The following RBFOX3 variants were observed in gnomAD, a reference collection of about 807,000 sequenced individuals.
RBFOX3 encodes the protein RNA binding fox-1 homolog 3.
RBFOX3 carries 17 observed loss-of-function variants against 48.7 expected under a neutral mutation model. The observed-to-expected ratio is 0.35, with a 90% confidence interval of 0.24 to 0.52. The LOEUF is 0.52. Ranked by LOEUF, RBFOX3 falls within the 20% of genes least tolerant of loss-of-function variation. RBFOX3 has a pLI of 0.94. For missense variants in RBFOX3, 382 were observed against 497.5 expected, an observed-to-expected ratio of 0.77 and a Z score of 2.21; for synonymous variants, 212 against 209.5, an observed-to-expected ratio of 1.01 and a Z score of -0.10.
At chr17:79,202,277 CAG>C (rs527946478) in intron 4 of RBFOX3, among the ~76,000 whole-genome samples, 54 of 152,202 alleles carry the variant, frequency 3.5e-4, no homozygotes, top group African/African-American at 1.2e-3. Flanking sequence ...AGCCTGGAAA[CAG>C]AGTGGGATTG....
chr17:79,461,856 C>A (rs1162754360), intron 2 of RBFOX3, among the ~76,000 whole-genome samples: 1 of 151,880 alleles, frequency 6.6e-6, no homozygotes, highest in Non-Finnish European at 1.5e-5. Flanking sequence ...GGGATGCAGA[C>A]ACAGGCTGAG....
chr17:79,209,461 AG>A lies in RBFOX3; in HGVS notation c.-34+26304del, dbSNP rs373216565. ...AACCAAACGGAACTCCCACTTCCAA[AG>A]CACCATGGAACAAAATGTGGCCGGC... is the stretch of plus-strand genomic sequence containing the variant. On this transcript the variant is annotated intron_variant, in intron 4 of 14. Coordinates refer to ENST00000693108, the MANE Select transcript of RBFOX3 (RefSeq NM_001350451.2). Among the ~76,000 whole-genome samples the A allele has an allele frequency of 3.9e-5, 6 of 152,338 alleles. No individual in the cohort carries two copies. In the South Asian group the frequency reaches 1.2e-3, roughly 32 times the overall value.
chr17:79,472,592 A>G (rs1040274383), intron 2 of RBFOX3, among the ~76,000 whole-genome samples: 1 of 152,196 alleles, frequency 6.6e-6, no homozygotes, highest in Non-Finnish European at 1.5e-5. Context: ...AAGGAAACCA[A>G]TGCTGCCAAC....
intron 4 of RBFOX3, among the ~76,000 whole-genome samples, chr17:79,132,006 A>T (rs2039029365): frequency 6.6e-6 from 1 of 152,150 alleles, no homozygotes; most frequent in Non-Finnish European, 1.5e-5. Flanking sequence ...CTCTTCTCCC[A>T]CCAGCTTCAC....
intron 2 of RBFOX3, among the ~76,000 whole-genome samples, chr17:79,433,017 C>T (rs1333971569): frequency 6.6e-6 from 1 of 152,212 alleles, no homozygotes; most frequent in East Asian, 1.9e-4. Context: ...TTTTCTCTCC[C>T]TCTCCCAGCA....
rs2078737372 is a variant in RBFOX3 at position 79,322,808 on chromosome 17, G to A, written c.-174-14984C>T. Among the ~76,000 whole-genome samples, 3 of 152,330 alleles carry A rather than the reference G, an allele frequency of 2.0e-5. No individual in the cohort carries two copies. In the South Asian group the frequency reaches 6.2e-4, roughly 32 times the overall value. ...TCTCAAGGGGGGCCTGGGATGTTCAGTGAGCTGACCGGCAGCACTGGAGCT... is the reference window on the plus strand; with the variant it reads ...TCTCAAGGGGGGCCTGGGATGTTCAATGAGCTGACCGGCAGCACTGGAGCT... On this transcript the variant is annotated intron_variant, in intron 2 of 14. Transcript: ENST00000693108.
chr17:79,368,149 C>T (rs1301107245), intron 2 of RBFOX3, among the ~76,000 whole-genome samples: 2 of 152,232 alleles, frequency 1.3e-5, no homozygotes, highest in African/African-American at 4.8e-5. Flanking sequence ...GTCTTTCCTT[C>T]CACGGGATCC....
In RBFOX3 at chr17:79,138,143, C is replaced by A. The variant is rs76188107; in HGVS notation, c.-33-22395G>T. Among the ~76,000 whole-genome samples, 422 of 152,232 alleles carry A rather than the reference C, an allele frequency of 2.8e-3. 3 individuals carry two copies. Among genetic ancestry groups the A allele is most frequent in the Admixed American group, 3.1e-3 (47 of 15,294 alleles). ...GAGCCTCTCCAGGCACCCAGAGGGG[C>A]GTGTGTCACCGAGCCTGCGAGGCAC... On this transcript the variant is annotated intron_variant, in intron 4 of 14. Transcript: ENST00000693108.
intron 2 of RBFOX3, among the ~76,000 whole-genome samples, chr17:79,383,855 T>C (rs2060234926): frequency 6.6e-6 from 1 of 151,980 alleles, no homozygotes; most frequent in Admixed American, 6.5e-5. Context: ...TGGCCAACAC[T>C]GGGTCCTGGC....
Position 79,308,168 on chromosome 17 carries a change from C to T in RBFOX3, c.-174-344G>A, listed in dbSNP as rs559448198. On this transcript the variant is annotated intron_variant, in intron 2 of 14. Transcript: ENST00000693108. ...GAGTTTGGACTGACGGGGGAATGGC[C>T]GAGTCGCCTGTCCCCAAGCCGGGCC... Among the ~76,000 whole-genome samples the T allele has an allele frequency of 5.9e-5, 9 of 152,218 alleles. No homozygotes were observed. The South Asian group carries it at 8.3e-4, about 14-fold the overall frequency.
intron 4 of RBFOX3, among the ~76,000 whole-genome samples, chr17:79,188,023 T>G (rs2053765753): frequency 6.6e-6 from 1 of 152,242 alleles, no homozygotes; most frequent in African/African-American, 2.4e-5. Context: ...CACTTTGTTC[T>G]GGCCTGTTTA....
At chr17:79,209,706 G>A (rs950670321) in intron 4 of RBFOX3, among the ~76,000 whole-genome samples, 1 of 152,202 alleles carries the variant, frequency 6.6e-6, no homozygotes, top group African/African-American at 2.4e-5. Context: ...ATGAAAGGAC[G>A]GCGCTGGCCG....
rs554634295 is a variant in RBFOX3 at position 79,453,034 on chromosome 17, G to C, written c.-175+29420C>G. 3.9e-5 allele frequency among the ~76,000 whole-genome samples: 6 copies of C among 152,350 alleles called. No homozygotes were observed. In the South Asian group the frequency reaches 1.0e-3, roughly 26 times the overall value. On this transcript the variant is annotated intron_variant, in intron 2 of 14. Coordinates refer to ENST00000693108, the MANE Select transcript of RBFOX3 (RefSeq NM_001350451.2). ...TCTCGGTTTACCCATCTGTGGAATG[G>C]GGGTGATCGCAGGGCCTCCCTCAGG...
intron 1 of RBFOX3, among the ~76,000 whole-genome samples, chr17:79,525,960 C>A (rs960085397): frequency 6.6e-6 from 1 of 152,170 alleles, no homozygotes; most frequent in South Asian, 2.1e-4. Context: ...GACAAGCCAC[C>A]GCCACCCCCG....
chr17:79,432,723 G>GA (rs879953283), intron 2 of RBFOX3, among the ~76,000 whole-genome samples: 132 of 142,584 alleles, frequency 9.3e-4, no homozygotes, highest in African/African-American at 1.5e-3. Context: ...AGACAAAGGG[G>GA]AAAAAAAAAA....
chr17:79,264,974 G>GT (rs922046759), intron 3 of RBFOX3, among the ~76,000 whole-genome samples: 17 of 152,064 alleles, frequency 1.1e-4, no homozygotes, highest in South Asian at 2.1e-4. Flanking sequence ...GAGGGGGGGG[G>GT]GGCGCAGATT....
chr17:79,223,583 C>G (rs1195874390), intron 4 of RBFOX3, among the ~76,000 whole-genome samples: 1 of 152,202 alleles, frequency 6.6e-6, no homozygotes, highest in African/African-American at 2.4e-5. Flanking sequence ...GTGACATTTG[C>G]CACACATTCT....
chr17:79,231,196 T>C (rs554779138), intron 4 of RBFOX3, among the ~76,000 whole-genome samples: 8 of 152,102 alleles, frequency 5.3e-5, no homozygotes, highest in Non-Finnish European at 8.8e-5. Flanking sequence ...AGAAGACAGC[T>C]GGACAGAGAA....
chr17:79,244,300 G>T (rs2062816431), intron 3 of RBFOX3, among the ~76,000 whole-genome samples: 1 of 152,120 alleles, frequency 6.6e-6, no homozygotes, highest in Admixed American at 6.5e-5. Context: ...GCTGAAAACT[G>T]CCAGGAGACT....
Sources: allele counts gnomAD v4.1 joint callset (sites outside exome capture counted in the v4.1 genomes callset), GRCh38; gene constraint gnomAD v4.1.1; transcripts MANE v1.5; gene names NCBI Gene and HGNC (gene_info 2026-07-23, HGNC 2026-07-21).